Variants in VASH2 observed in about 807,000 individuals in gnomAD.
VASH2 encodes vasohibin 2.
A neutral mutation model predicts 37.2 loss-of-function variants in VASH2; 28 were observed. The observed-to-expected ratio is 0.75, with a 90% CI of 0.56 to 1.03. The LOEUF (loss-of-function observed/expected upper bound fraction) is 1.03. VASH2 is among the 50% of genes least tolerant of loss of function. VASH2 has a pLI of 0.00. For missense variants in VASH2, 419 were observed against 459.1 expected (o/e 0.91, Z 0.80); for synonymous variants, 188 against 174.7 (o/e 1.08, Z -0.60).
intron 7 of VASH2, among the ~76,000 whole-genome samples, chr1:212,977,954 A>T (rs1572077737): frequency 6.6e-6 from 1 of 152,224 alleles, no homozygotes; most frequent in East Asian, 1.9e-4. Flanking sequence ...GTTGACCCTG[A>T]AAAATAACAG....
intron 2 of VASH2, among the ~76,000 whole-genome samples, chr1:212,953,233 G>T (rs368457673): frequency 3.9e-5 from 5 of 126,650 alleles, no homozygotes; most frequent in Admixed American, 7.3e-5. Flanking sequence ...GGGTGCGCGG[G>T]GGGGGGTGCA....
intron 5 of VASH2, chr1:212,969,045 G>A (rs1666928257): frequency 1.0e-6 from 1 of 985,334 alleles, no homozygotes; most frequent in South Asian, 4.7e-5. Flanking sequence ...GTCCAAATCA[G>A]AGACAGTGTG....
Position 212,972,973 on chromosome 1 carries a change from G to A in VASH2, c.879+12G>A, listed in dbSNP as rs772583216. On this transcript the variant is annotated intron_variant, in intron 6 of 7. Coordinates refer to ENST00000517399, the MANE Select transcript of VASH2 (RefSeq NM_001301056.2). ...ACATGAGAATGAAGGTGGGTGCTGG[G>A]AAGACAAGGAAGCCATGCAGGAGAG... 5 of 1,605,120 alleles carry A rather than the reference G, an allele frequency of 3.1e-6. No homozygotes were observed. Among genetic ancestry groups the A allele is most frequent in the African/African-American group, 1.3e-5 (1 of 74,804 alleles).
chr1:212,967,445 A>G, intron 5 of VASH2: 1 of 1,171,662 alleles, frequency 8.5e-7, no homozygotes, highest in South Asian at 1.7e-5. Flanking sequence ...GGACAGTGGA[A>G]AAGGAAACAC....
rs1666657331 is a variant in VASH2 at position 212,961,029 on chromosome 1, A to G, written c.277-137A>G. The G allele has an allele frequency of 1.0e-5, 8 of 779,220 alleles. No individual in the cohort carries two copies. The East Asian group carries it at 1.3e-4, about 12-fold the overall frequency. The allele number at this position is 779,220 out of a possible 1,614,324, so 48.3% of individuals were successfully genotyped here. A position where few individuals can be genotyped will look rare whatever the true frequency, so the allele number is the denominator to read the frequency against. On this transcript the variant is annotated intron_variant, in intron 2 of 7. Coordinates refer to ENST00000517399, the MANE Select transcript of VASH2 (RefSeq NM_001301056.2). ...GGAGGCACTGCTCAATCAGGTAACC[A>G]CACCAGGGTGACCATGCTGCCATCG...
intron 6 of VASH2, 178 bp from the exon 7 acceptor site, chr1:212,973,777 C>T (rs749561012): frequency 1.2e-5 from 17 of 1,389,030 alleles, no homozygotes; most frequent in Non-Finnish European, 1.6e-5. Flanking sequence ...CTTGACAGTA[C>T]AGGACGAGAG....
At chr1:212,953,238 G>GGT (rs942055759) in intron 2 of VASH2, among the ~76,000 whole-genome samples, 1 of 150,410 alleles carries the variant, frequency 6.6e-6, no homozygotes, top group African/African-American at 2.5e-5. Flanking sequence ...CGCGGGGGGG[G>GGT]GTGCATTCTC....
Position 212,958,002 on chromosome 1 carries a change from G to C in VASH2, c.277-3164G>C, listed in dbSNP as rs184875434. On this transcript the variant is annotated intron_variant, in intron 2 of 7. Transcript: ENST00000517399. ...CAACCAGCTTGGAAGGTTGGAAGTA[G>C]GTGATACTATTCCTATTTTATCAGG... is the stretch of plus-strand genomic sequence containing the variant. Among the ~76,000 whole-genome samples, 47 of 152,374 alleles carry C rather than the reference G, an allele frequency of 3.1e-4. No individual in the cohort carries two copies. In the East Asian group the frequency reaches 8.9e-3, roughly 29 times the overall value.
intron 5 of VASH2, chr1:212,968,957 A>G (rs1365771714): frequency 3.0e-6 from 3 of 985,206 alleles, no homozygotes; most frequent in African/African-American, 1.7e-5. Context: ...AATTTTATAC[A>G]TTTGCGCATC....
Position 212,971,263 on chromosome 1 carries a change from A to G in VASH2, c.498-1317A>G, listed in dbSNP as rs1005815280. On this transcript the variant is annotated intron_variant, in intron 5 of 7. Transcript: ENST00000517399. This position sits in a 1 kb window ranked among gnomAD's most constrained non-coding sequence, Gnocchi z 4.0. ...ATGATGCTGTTCAGAGCATGGGTGT[A>G]CAAATACCTGCTGGGGTCGCTGCTT... is the stretch of plus-strand genomic sequence containing the variant. Among the ~76,000 whole-genome samples, 39 of 152,318 alleles carry G rather than the reference A, an allele frequency of 2.6e-4. No individual in the cohort carries two copies. Among genetic ancestry groups the G allele is most frequent in the African/African-American group, 8.9e-4 (37 of 41,578 alleles).
chr1:212,989,941 A>G lies in VASH2; in HGVS notation c.*1357A>G, dbSNP rs528678544. The G allele has an allele frequency of 6.6e-6, 1 of 152,294 alleles. No individual in the cohort carries two copies. Among genetic ancestry groups the G allele is most frequent in the Non-Finnish European group, 1.5e-5 (1 of 68,014 alleles). The allele number at this position is 152,294 out of a possible 1,614,324, so 9.4% of individuals were successfully genotyped here. ...TTTCATTTGCTTTATCTTAGCAACA[A>G]TGCCAACTCAGGAGAGCAGACGGCC... On this transcript the variant is annotated 3_prime_UTR_variant, in exon 8 of 8. Coordinates refer to ENST00000517399, the MANE Select transcript of VASH2 (RefSeq NM_001301056.2).
intron 3 of VASH2, among the ~76,000 whole-genome samples, chr1:212,964,945 G>C (rs1370724042): frequency 7.0e-6 from 1 of 143,864 alleles, no homozygotes; most frequent in Non-Finnish European, 1.5e-5. Flanking sequence ...TTTTTAGACA[G>C]AATATCACTA....
rs1666999783 is a variant in VASH2 at position 212,971,100 on chromosome 1, A to G, written c.498-1480A>G. ...GGCTGATTTCACTCAGCATGTCTTCAAGGCTCATTCTGCACATTGCAGAAT... is the reference window on the plus strand; with the variant it reads ...GGCTGATTTCACTCAGCATGTCTTCGAGGCTCATTCTGCACATTGCAGAAT... On this transcript the variant is annotated intron_variant, in intron 5 of 7. Transcript: ENST00000517399. The surrounding 1 kb of genome is among the most constrained non-coding windows in gnomAD (Gnocchi z 4.0). 6.6e-6 allele frequency among the ~76,000 whole-genome samples: 1 copy of G among 152,164 alleles called. No individual in the cohort carries two copies. The highest frequency in any genetic ancestry group is 2.4e-5 in the African/African-American group (1 of 41,434).
At position 212,987,581 on chromosome 1, in the gene VASH2, AAAAACAAAAAC is replaced by A. The variant is rs369963718; in HGVS notation, c.996-917_996-907del. The stretch of plus-strand genomic sequence containing the variant: ...AAGGGCGAAACTCCGTCTCAAAAAC[AAAAACAAAAAC>A]AAAACAAAAACAAGGTTTATGTGTA... On this transcript the variant is annotated intron_variant, in intron 7 of 7. Coordinates refer to ENST00000517399, the MANE Select transcript of VASH2 (RefSeq NM_001301056.2). Among the ~76,000 whole-genome samples the A allele has an allele frequency of 6.6e-5, 10 of 152,358 alleles. No homozygotes were observed. In the East Asian group the frequency reaches 1.5e-3, roughly 24 times the overall value.
chr1:212,970,329 C>T (rs923061317), intron 5 of VASH2, among the ~76,000 whole-genome samples: 2 of 152,164 alleles, frequency 1.3e-5, no homozygotes, highest in Non-Finnish European at 2.9e-5. Context: ...ATCAGTGACT[C>T]GTGACATGAG....
At chr1:212,970,898 GA>G (rs111890314) in intron 5 of VASH2, among the ~76,000 whole-genome samples, 18 of 143,528 alleles carry the variant, frequency 1.3e-4, no homozygotes, top group Admixed American at 2.1e-4. Flanking sequence ...TCAAAAAAAT[GA>G]AAAAAAAAAG....
intron 7 of VASH2, among the ~76,000 whole-genome samples, chr1:212,987,371 T>C (rs1415088433): frequency 6.6e-6 from 1 of 151,586 alleles, no homozygotes; most frequent in African/African-American, 2.4e-5. Flanking sequence ...AGGTCAGGAG[T>C]TCGAGACCAG....
At chr1:212,954,903 C>A (rs907024236) in intron 2 of VASH2, among the ~76,000 whole-genome samples, 1 of 152,212 alleles carries the variant, frequency 6.6e-6, no homozygotes, top group Non-Finnish European at 1.5e-5. Context: ...TTCTCTATCC[C>A]CAGTCCTATC....
chr1:212,973,450 G>A (rs1425077378), intron 6 of VASH2: 2 of 1,291,072 alleles, frequency 1.5e-6, no homozygotes, highest in South Asian at 2.5e-5. Flanking sequence ...AAGAGAAAAG[G>A]ATTATGCTGA....
Sources: allele counts gnomAD v4.1 joint callset (sites outside exome capture counted in the v4.1 genomes callset), GRCh38; gene constraint gnomAD v4.1.1; non-coding constraint Gnocchi (gnomAD v3.1); transcripts MANE v1.5; gene names NCBI Gene and HGNC (gene_info 2026-07-23, HGNC 2026-07-21).